SH3RF2: variants seen among roughly 807,000 people sequenced by gnomAD.
SH3RF2 encodes E3 ubiquitin-protein ligase SH3RF2.
SH3RF2 carries 43 observed loss-of-function variants against 59.0 expected under a neutral mutation model. That is an observed-to-expected ratio of 0.73 (90% CI 0.57 to 0.94). The LOEUF is 0.94. Among genes scored for constraint, SH3RF2 ranks in the 40% least tolerant of loss-of-function variants. SH3RF2 has a pLI of 0.00. For synonymous variants in SH3RF2, 391 were observed against 391.5 expected (o/e 1.00, Z 0.01); for missense variants, 930 against 940.1 (o/e 0.99, Z 0.14).
In SH3RF2 at chr5:146,000,235, C is replaced by T. The variant is rs564714157; in HGVS notation, c.556C>T (p.Pro186Ser). The T allele has an allele frequency of 1.2e-6, 2 of 1,613,910 alleles. No individual in the cohort carries two copies. The highest frequency in any genetic ancestry group is 2.2e-5 in the East Asian group (1 of 44,866). The part of the protein sequence containing the change: ...ASSVEVIKQL[P>S]QPPPLCRALY... ...CTCCGTGGAAGTCATCAAGCAGCTG[C>T]CCCAGCCGCCCCCGCTCTGCAGGGC... is the stretch of plus-strand genomic sequence containing the variant. Residue 186 changes from proline to serine, a missense_variant, in exon 3 of 10, where the codon CCC becomes TCC. Coordinates refer to ENST00000359120, the MANE Select transcript of SH3RF2 (RefSeq NM_152550.4).
At chr5:145,948,107 G>A (rs1758061770) in intron 2 of SH3RF2, among the ~76,000 whole-genome samples, 1 of 152,144 alleles carries the variant, frequency 6.6e-6, no homozygotes, top group Non-Finnish European at 1.5e-5. Flanking sequence ...GTCATTCACT[G>A]GGCTCTACCT....
In SH3RF2 at chr5:146,004,058, G is replaced by T. The variant is rs1325830939; in HGVS notation, c.649G>T (p.Asp217Tyr). 2 of 1,611,392 alleles carry T rather than the reference G, an allele frequency of 1.2e-6. No homozygotes were observed. Among genetic ancestry groups the T allele is most frequent in the East Asian group, 2.2e-5 (1 of 44,796 alleles). Residue 217 changes from aspartate to tyrosine, a missense_variant and splice_region_variant, in exon 4 of 10, where the codon GAC becomes TAC. Physicochemically the swap from Asp to Tyr is radical, Grantham distance 160. Transcript: ENST00000359120. ...CTGACCATGAGACTTTCTCTTTCAG[G>T]ACGATATCATCACTGTGATCAGCCG... ...ENQDCLTFLK[D>Y]DIITVISRVD...
chr5:146,010,485 A>C (rs568267276), intron 4 of SH3RF2, among the ~76,000 whole-genome samples: 6 of 152,386 alleles, frequency 3.9e-5, no homozygotes, highest in Admixed American at 3.3e-4. Flanking sequence ...ACTAGTTTAC[A>C]GTCCCAACAA....
chr5:145,956,614 G>A (rs1012536992), intron 2 of SH3RF2, among the ~76,000 whole-genome samples: 3 of 152,124 alleles, frequency 2.0e-5, no homozygotes, highest in African/African-American at 7.2e-5. Context: ...TCTAGGTAGA[G>A]GGGAAGAAGC....
intron 2 of SH3RF2, among the ~76,000 whole-genome samples, chr5:145,964,154 CTTCT>C (rs1253733837): frequency 1.3e-5 from 2 of 151,530 alleles, no homozygotes; most frequent in Non-Finnish European, 1.5e-5. Flanking sequence ...TCCTTCCTTC[CTTCT>C]TTTCTTTTTT....
At chr5:146,042,393 A>G (rs933472793) in intron 5 of SH3RF2, among the ~76,000 whole-genome samples, 14 of 152,234 alleles carry the variant, frequency 9.2e-5, no homozygotes, top group African/African-American at 3.4e-4. Context: ...ATTGCGTCAA[A>G]CCCTGTGCTA....
chr5:146,064,710 GAAAGAAAGAAAGA>G (rs1763025399), downstream of SH3RF2, among the ~76,000 whole-genome samples: 7 of 26,044 alleles, frequency 2.7e-4, no homozygotes, highest in Admixed American at 8.7e-4. Flanking sequence ...AAGAAAGAAA[GAAAGAAAGAAAGA>G]AAGAAAGGAA....
intron 2 of SH3RF2, among the ~76,000 whole-genome samples, chr5:145,957,212 T>C (rs1468258346): frequency 1.3e-5 from 2 of 152,206 alleles, no homozygotes; most frequent in Admixed American, 1.3e-4. Context: ...TCAACAGATA[T>C]TGCATTGATC....
chr5:145,997,675 T>C lies in SH3RF2; in HGVS notation c.379-2383T>C, dbSNP rs2149981611. 3.2e-6 allele frequency: 5 copies of C among 1,561,684 alleles called. No homozygotes were observed. In the South Asian group the frequency reaches 5.7e-5, roughly 18 times the overall value. On this transcript the variant is annotated intron_variant, in intron 2 of 9. Transcript: ENST00000359120. ...ACTGTTTGCTACCCAGTTCAGTCAG[T>C]AATAATTGCTAAGGTAACAGGGAAA...
At chr5:146,048,028 T>C (rs1762369351) in intron 6 of SH3RF2, among the ~76,000 whole-genome samples, 165 bp downstream of exon 6, 2 of 151,842 alleles carry the variant, frequency 1.3e-5, no homozygotes, top group African/African-American at 2.4e-5. Flanking sequence ...AAACAGAAAT[T>C]AGGGCCAGGC....
chr5:145,961,198 T>G (rs970451653), intron 2 of SH3RF2, among the ~76,000 whole-genome samples: 2 of 145,500 alleles, frequency 1.4e-5, no homozygotes, highest in African/African-American at 5.1e-5. Flanking sequence ...TTTTTTTTTT[T>G]GCCTCATGTC....
chr5:145,987,598 C>A (rs894360296), intron 2 of SH3RF2, among the ~76,000 whole-genome samples: 12 of 152,164 alleles, frequency 7.9e-5, no homozygotes, highest in African/African-American at 2.9e-4. Context: ...TAACATAATT[C>A]TTTTCCTTCA....
chr5:146,000,044 C>A lies in SH3RF2; in HGVS notation c.379-14C>A. 6.2e-7 allele frequency: 1 copy of A among 1,611,430 alleles called. No individual in the cohort carries two copies. Among genetic ancestry groups the A allele is most frequent in the South Asian group, 1.1e-5 (1 of 90,380 alleles). On this transcript the variant is annotated splice_polypyrimidine_tract_variant and intron_variant, in intron 2 of 9. Transcript: ENST00000359120. The stretch of plus-strand genomic sequence containing the variant: ...TAAGCTAAGTACATATCTTATTGGT[C>A]TGTGCCATTGCAGGTGCCTCGAGCA...
intron 8 of SH3RF2, among the ~76,000 whole-genome samples, chr5:146,057,976 C>CTA (rs1491563299): frequency 6.8e-5 from 8 of 118,102 alleles, no homozygotes; most frequent in Admixed American, 2.6e-4. Flanking sequence ...CTCTATCTAT[C>CTA]TATCTATCTA....
intron 7 of SH3RF2, among the ~76,000 whole-genome samples, chr5:146,051,228 G>T (rs537961010): frequency 2.0e-5 from 3 of 152,298 alleles, no homozygotes; most frequent in African/African-American, 7.2e-5. Flanking sequence ...TAGAAAGGAA[G>T]CCAGAATGGT....
At chr5:145,940,789 T>C (rs150808415) in intron 2 of SH3RF2, among the ~76,000 whole-genome samples, 149 of 152,330 alleles carry the variant, frequency 9.8e-4, no homozygotes, top group African/African-American at 3.5e-3. Context: ...TGGGAAGATG[T>C]CATGTATAAA....
In SH3RF2 at chr5:146,047,755, CT is replaced by C; in HGVS notation, c.1060-13del. 1 of 1,613,396 alleles carries C rather than the reference CT, an allele frequency of 6.2e-7. No homozygotes were observed. Among genetic ancestry groups the C allele is most frequent in the Non-Finnish European group, 8.5e-7 (1 of 1,179,560 alleles). On this transcript the variant is annotated splice_polypyrimidine_tract_variant and intron_variant, in intron 5 of 9. Coordinates refer to ENST00000359120, the MANE Select transcript of SH3RF2 (RefSeq NM_152550.4). ...GCATTCATTGGTTCTGCTTGGCTGT[CT>C]TTTCTGTCTGTGCAGGTCAGCACTT...
rs540333237 is a variant in SH3RF2 at position 146,038,969 on chromosome 5, C to T, written c.1060-8803C>T. Among the ~76,000 whole-genome samples the T allele has an allele frequency of 4.9e-4, 75 of 152,282 alleles. 2 individuals carry two copies. The highest frequency in any genetic ancestry group is 1.7e-3 in the Admixed American group (26 of 15,286). ...ATGGCATGGATCTAGCATAGGGATT[C>T]TATTAAACCAATGGAACATGCTGGA... On this transcript the variant is annotated intron_variant, in intron 5 of 9. Coordinates refer to ENST00000359120, the MANE Select transcript of SH3RF2 (RefSeq NM_152550.4).
chr5:145,937,448 T>G (rs1489977811), intron 1 of SH3RF2, among the ~76,000 whole-genome samples: 2 of 152,096 alleles, frequency 1.3e-5, no homozygotes, highest in African/African-American at 4.8e-5. Context: ...AGAAATTGCG[T>G]TCGGAGGGGG....
Sources: gnomAD v4.1 joint callset for allele counts (sites outside exome capture counted in the v4.1 genomes callset) on GRCh38, gnomAD v4.1.1 for gene constraint, MANE v1.5 for transcripts, NCBI Gene and HGNC (gene_info 2026-07-23, HGNC 2026-07-21) for gene names.